Variants in PSMF1 observed in about 807,000 individuals in gnomAD.
The protein encoded by PSMF1 is proteasome inhibitor subunit 1.
PSMF1 carries 30 observed loss-of-function variants against 29.3 expected under a neutral mutation model. The observed-to-expected ratio is 1.02, with a 90% CI of 0.77 to 1.39. The LOEUF (loss-of-function observed/expected upper bound fraction) is 1.39. Ranked by LOEUF, PSMF1 falls within the 40% of genes most tolerant of loss-of-function variation. The pLI, the probability that PSMF1 is intolerant of heterozygous loss-of-function variation, is 0.00. For synonymous variants in PSMF1, 134 were observed against 139.7 expected, an observed-to-expected ratio of 0.96 and a Z score of 0.29; for missense variants, 344 against 357.5, an observed-to-expected ratio of 0.96 and a Z score of 0.31.
In PSMF1 at chr20:1,125,720, A is replaced by G. The variant is rs1600142464; in HGVS notation, c.282+70A>G. On this transcript the variant is annotated intron_variant, in intron 2 of 6. Coordinates refer to ENST00000335877, the MANE Select transcript of PSMF1 (RefSeq NM_006814.5). The stretch of plus-strand genomic sequence containing the variant: ...GAATGGCTGTTTTGAAACCCATTTA[A>G]CGGTACGAATCCAGAGCTTCAATGT... 5 of 1,544,622 alleles carry G rather than the reference A, an allele frequency of 3.2e-6. No homozygotes were observed. The East Asian group carries it at 1.1e-4, about 35-fold the overall frequency.
intron 4 of PSMF1, among the ~76,000 whole-genome samples, chr20:1,152,109 T>C (rs1458406295): frequency 6.6e-6 from 1 of 152,218 alleles, no homozygotes; most frequent in East Asian, 1.9e-4. Flanking sequence ...AGTCATATTC[T>C]GACAGTGGAC....
rs747988767 is a variant in PSMF1 at position 1,164,505 on chromosome 20, G to A, written c.764+29G>A. ...CGTAGTCACTCAGGTATGCTGAGAA[G>A]TAGGACCTGATGGCAGCTTGGTTCA... On this transcript the variant is annotated intron_variant, in intron 6 of 6. Coordinates refer to ENST00000335877, the MANE Select transcript of PSMF1 (RefSeq NM_006814.5). This position sits in a 1 kb window ranked among gnomAD's most constrained non-coding sequence, Gnocchi z 4.1. The A allele has an allele frequency of 6.2e-7, 1 of 1,611,138 alleles. No individual in the cohort carries two copies. The highest frequency in any genetic ancestry group is 8.5e-7 in the Non-Finnish European group (1 of 1,177,626).
At chr20:1,117,680 C>A (rs1223349065), upstream of PSMF1, among the ~76,000 whole-genome samples, 1 of 152,152 alleles carries the variant, frequency 6.6e-6, no homozygotes, top group Non-Finnish European at 1.5e-5. Context: ...TCTCTGGTTG[C>A]GGAGTGCAGT....
At position 1,165,481 on chromosome 20, in the gene PSMF1, A is replaced by G. The variant is rs545204565; in HGVS notation, c.*401A>G. On this transcript the variant is annotated 3_prime_UTR_variant, in exon 7 of 7. Coordinates refer to ENST00000335877, the MANE Select transcript of PSMF1 (RefSeq NM_006814.5). Reference sequence around the variant, plus strand: ...ACAGAATTCATGTTGCCGGTTTCCCACTTTTCTTTTTACATTAATGCATAG... The same window carrying G: ...ACAGAATTCATGTTGCCGGTTTCCCGCTTTTCTTTTTACATTAATGCATAG... 14 of 1,029,850 alleles carry G rather than the reference A, an allele frequency of 1.4e-5. No homozygotes were observed. The highest frequency in any genetic ancestry group is 1.7e-5 in the African/African-American group (1 of 58,664). 63.8% of individuals were successfully genotyped at this position (1,029,850 alleles called of 1,614,324 possible).
At position 1,169,241 on chromosome 20, in the gene PSMF1, A is replaced by G. The variant is rs1351422606; in HGVS notation, c.*4161A>G. ...TGAATCTGTCCTGGAGGGTGGGTCAAAAGGCAAGGGTGGCAGGTAGGATGG... is the reference window on the plus strand; with the variant it reads ...TGAATCTGTCCTGGAGGGTGGGTCAGAAGGCAAGGGTGGCAGGTAGGATGG... On this transcript the variant is annotated 3_prime_UTR_variant, in exon 7 of 7. Transcript: ENST00000335877. Among the ~76,000 whole-genome samples, 2 of 152,206 alleles carry G rather than the reference A, an allele frequency of 1.3e-5. No individual in the cohort carries two copies. The highest frequency in any genetic ancestry group is 3.8e-4 in the East Asian group (2 of 5,202).
At position 1,164,427 on chromosome 20, in the gene PSMF1, C is replaced by T; in HGVS notation, c.715C>T (p.Pro239Ser). The T allele has an allele frequency of 6.2e-7, 1 of 1,614,190 alleles. No homozygotes were observed. The highest frequency in any genetic ancestry group is 1.3e-5 in the African/African-American group (1 of 75,038). ...CCGACTTCCTCCAGGCGCTGTGCCC[C>T]CAGGAGCTCGCTTTGACCCCTTTGG... ...PNRLPPGAVP[P>S]GARFDPFGPI... Residue 239 changes from proline to serine, a missense_variant, in exon 6 of 7, where the codon CCA becomes TCA. By Grantham distance (74) the Pro-to-Ser change is moderately conservative. Transcript: ENST00000335877. This position sits in a 1 kb window ranked among gnomAD's most constrained non-coding sequence, Gnocchi z 4.1.
rs1476871299 is a variant in PSMF1 at position 1,164,676 on chromosome 20, T to G, written c.764+200T>G. On this transcript the variant is annotated intron_variant, in intron 6 of 6. Coordinates refer to ENST00000335877, the MANE Select transcript of PSMF1 (RefSeq NM_006814.5). This position sits in a 1 kb window ranked among gnomAD's most constrained non-coding sequence, Gnocchi z 4.1. ...GGAGCTTCCTATCCCTCAGTGCCTC[T>G]CTTTCCCCAGCTCCACTCTGGGGAG... Among the ~76,000 whole-genome samples, 1 of 152,154 alleles carries G rather than the reference T, an allele frequency of 6.6e-6. No homozygotes were observed. Among genetic ancestry groups the G allele is most frequent in the Non-Finnish European group, 1.5e-5 (1 of 68,016 alleles).
At chr20:1,161,616 T>C in intron 4 of PSMF1, 1 of 666,838 alleles carries the variant, frequency 1.5e-6, no homozygotes, top group Non-Finnish European at 2.8e-6. Context: ...CTGGCCTCAT[T>C]GTCCACCTTC....
Position 1,163,206 on chromosome 20 carries a change from C to T in PSMF1, c.605+23C>T. 1 of 1,613,042 alleles carries T rather than the reference C, an allele frequency of 6.2e-7. No homozygotes were observed. Among genetic ancestry groups the T allele is most frequent in the Non-Finnish European group, 8.5e-7 (1 of 1,179,208 alleles). On this transcript the variant is annotated intron_variant, in intron 5 of 6. Transcript: ENST00000335877. This position sits in a 1 kb window ranked among gnomAD's most constrained non-coding sequence, Gnocchi z 6.1. ...TGGGTGAGTACTGCTGGGGAGGTGG[C>T]AGCAACACAACTTGCTTTTGTGGCT...
At chr20:1,161,234 G>A (rs532005436) in intron 4 of PSMF1, 29 of 315,128 alleles carry the variant, frequency 9.2e-5, no homozygotes, top group South Asian at 4.7e-4. Context: ...GCGTCGCCCC[G>A]GACTTTGAGC....
At chr20:1,126,972 A>G (rs1367428041) in intron 2 of PSMF1, among the ~76,000 whole-genome samples, 2 of 152,102 alleles carry the variant, frequency 1.3e-5, no homozygotes, top group African/African-American at 2.4e-5. Flanking sequence ...TGCCCCGGAA[A>G]CCACTGCTGC....
At chr20:1,160,875 G>C in intron 4 of PSMF1, 1 of 454,254 alleles carries the variant, frequency 2.2e-6, no homozygotes, top group South Asian at 1.8e-5. Flanking sequence ...ATGTGTTCCT[G>C]GAGGAGCACC....
upstream of PSMF1, among the ~76,000 whole-genome samples, chr20:1,115,893 C>T (rs6039940): frequency 0.1 from 15,917 of 151,800 alleles, 945 homozygotes; most frequent in African/African-American, 0.13. Flanking sequence ...CCACCACGCC[C>T]GGCTAATTTT....
Position 1,118,643 on chromosome 20 carries a change from G to T in PSMF1, c.-131G>T, listed in dbSNP as rs1417306037. The T allele has an allele frequency of 2.6e-6, 3 of 1,172,122 alleles. No homozygotes were observed. The highest frequency in any genetic ancestry group is 3.5e-6 in the Non-Finnish European group (3 of 864,372). 72.6% of individuals were successfully genotyped at this position (1,172,122 alleles called of 1,614,324 possible). A position where few individuals can be genotyped will look rare whatever the true frequency, so the allele number is the denominator to read the frequency against. Reference sequence around the variant, plus strand: ...CCCGTCCCCGGGCGTCTCCATTTTGGTCTCAGGTGTGGACTCGGCAAGAAC... The same window carrying T: ...CCCGTCCCCGGGCGTCTCCATTTTGTTCTCAGGTGTGGACTCGGCAAGAAC... On this transcript the variant is annotated 5_prime_UTR_variant, in exon 1 of 7. Coordinates refer to ENST00000335877, the MANE Select transcript of PSMF1 (RefSeq NM_006814.5).
chr20:1,130,754 C>A (rs1231527153), intron 3 of PSMF1, among the ~76,000 whole-genome samples: 1 of 152,182 alleles, frequency 6.6e-6, no homozygotes, highest in Non-Finnish European at 1.5e-5. Context: ...AGTGACCCTC[C>A]CACCTGAGCC....
At chr20:1,119,431 G>C (rs951093444) in intron 1 of PSMF1, among the ~76,000 whole-genome samples, 3 of 152,106 alleles carry the variant, frequency 2.0e-5, no homozygotes, top group Admixed American at 6.5e-5. Context: ...CATGGGCCCA[G>C]AGAGTTCACA....
chr20:1,150,731 GTTTT>G (rs556147462), intron 4 of PSMF1, among the ~76,000 whole-genome samples: 1 of 151,532 alleles, frequency 6.6e-6, no homozygotes, highest in Non-Finnish European at 1.5e-5. Context: ...CCTATTAATG[GTTTT>G]TTTTAATTAT....
rs2086754737 is a variant in PSMF1, at chr20:1,168,233, G to A, written c.*3153G>A. ...TTTTGGGGATGGTTCTAGGCTGGAT[G>A]TGATACAGGGCAGGTTTTGTCTCTA... On this transcript the variant is annotated 3_prime_UTR_variant, in exon 7 of 7. Transcript: ENST00000335877. The A allele has an allele frequency of 6.6e-6, 1 of 152,376 alleles. No homozygotes were observed. Among genetic ancestry groups the A allele is most frequent in the South Asian group, 2.1e-4 (1 of 4,828 alleles). The allele number at this position is 152,376 out of a possible 1,614,324, so 9.4% of individuals were successfully genotyped here. A position where few individuals can be genotyped will look rare whatever the true frequency, so the allele number is the denominator to read the frequency against.
intron 4 of PSMF1, among the ~76,000 whole-genome samples, chr20:1,148,544 G>A (rs2086485609): frequency 1.3e-5 from 2 of 152,006 alleles, no homozygotes; most frequent in African/African-American, 2.4e-5. Flanking sequence ...CAACCAATCT[G>A]TATCTTTACA....
Sources: gnomAD v4.1 joint callset for allele counts (sites outside exome capture counted in the v4.1 genomes callset) on GRCh38, gnomAD v4.1.1 for gene constraint, Gnocchi (gnomAD v3.1) non-coding constraint, MANE v1.5 for transcripts, NCBI Gene and HGNC (gene_info 2026-07-23, HGNC 2026-07-21) for gene names.